MACROD2: variants seen among roughly 807,000 people sequenced by gnomAD.
MACROD2 encodes ADP-ribose glycohydrolase MACROD2.
Under a neutral mutation model 70.4 loss-of-function variants are expected in MACROD2, and 36 were observed. The observed-to-expected ratio is 0.51, with a 90% CI of 0.39 to 0.68. MACROD2 has a LOEUF of 0.68. Among genes scored for constraint, MACROD2 ranks in the 30% least tolerant of loss-of-function variants. The pLI, the probability that MACROD2 is intolerant of heterozygous loss-of-function variation, is 0.00. For synonymous variants in MACROD2, 172 were observed against 178.8 expected, an observed-to-expected ratio of 0.96 and a Z score of 0.30; for missense variants, 496 against 538.4, an observed-to-expected ratio of 0.92 and a Z score of 0.78.
chr20:14,460,623 A>C (rs972617368), intron 3 of MACROD2, among the ~76,000 whole-genome samples: 1 of 152,090 alleles, frequency 6.6e-6, no homozygotes, highest in Non-Finnish European at 1.5e-5. Context: ...GTGAGTTTTT[A>C]GCATGAAGGG....
At chr20:14,297,197 C>G (rs1466072884) in intron 3 of MACROD2, among the ~76,000 whole-genome samples, 1 of 151,796 alleles carries the variant, frequency 6.6e-6, no homozygotes, top group Admixed American at 6.6e-5. Flanking sequence ...CTTCCCTCTT[C>G]CCTGAGACAC....
chr20:14,939,253 T>C (rs1298043375), intron 5 of MACROD2, among the ~76,000 whole-genome samples: 3 of 152,092 alleles, frequency 2.0e-5, no homozygotes, highest in African/African-American at 7.2e-5. Context: ...TGTAATCCAT[T>C]TGATTTGATT....
At chr20:15,944,471 A>T (rs1163469682) in intron 12 of MACROD2, among the ~76,000 whole-genome samples, 1 of 152,128 alleles carries the variant, frequency 6.6e-6, no homozygotes, top group African/African-American at 2.4e-5. Context: ...TTCAAATATA[A>T]CAGTACATTG....
intron 4 of MACROD2, among the ~76,000 whole-genome samples, chr20:14,634,173 A>G (rs1984660715): frequency 6.6e-6 from 1 of 152,138 alleles, no homozygotes; most frequent in African/African-American, 2.4e-5. Context: ...TTCAAGATCC[A>G]TCTGAGATGT....
chr20:15,879,933 G>A (rs185662247), intron 9 of MACROD2, among the ~76,000 whole-genome samples: 224 of 152,142 alleles, frequency 1.5e-3, no homozygotes, highest in African/African-American at 5.1e-3. Flanking sequence ...TGAATCTGAA[G>A]GCAGGAAAAA....
At chr20:14,967,004 G>A (rs6043030) in intron 5 of MACROD2, among the ~76,000 whole-genome samples, 3,349 of 151,766 alleles carry the variant, frequency 0.022, 137 homozygotes, top group African/African-American at 0.076. Context: ...TGGTATGTGT[G>A]TAATAGTGGA....
chr20:15,699,303 G>A (rs1042964240), intron 8 of MACROD2, among the ~76,000 whole-genome samples: 4 of 152,132 alleles, frequency 2.6e-5, no homozygotes, highest in Admixed American at 1.3e-4. Flanking sequence ...CTCTTCCTGT[G>A]GATGTGGCTT....
At chr20:15,455,170 G>A (rs1371093181) in intron 7 of MACROD2, among the ~76,000 whole-genome samples, 1 of 152,102 alleles carries the variant, frequency 6.6e-6, no homozygotes, top group Non-Finnish European at 1.5e-5. Context: ...AGAGACACTG[G>A]GCGTGCAGGC....
intron 7 of MACROD2, among the ~76,000 whole-genome samples, chr20:15,438,535 A>G (rs1321502450): frequency 6.6e-6 from 1 of 151,856 alleles, no homozygotes; most frequent in Non-Finnish European, 1.5e-5. Flanking sequence ...TTGTTTGTTT[A>G]TCTCATGTAA....
Position 15,967,489 on chromosome 20 carries a change from G to T in MACROD2, c.908-64G>T. 1.6e-5 allele frequency: 20 copies of T among 1,282,726 alleles called. No individual in the cohort carries two copies. In the South Asian group the frequency reaches 2.5e-4, roughly 16 times the overall value. 79.5% of individuals were successfully genotyped at this position (1,282,726 alleles called of 1,614,324 possible). ...TCAAACATAAATCTATCATGTTAGT[G>T]CTGAAAGCTGCTCTGTTTCCAAGTT... On this transcript the variant is annotated intron_variant, in intron 12 of 17. Coordinates refer to ENST00000684519, the MANE Select transcript of MACROD2 (RefSeq NM_001351661.2).
chr20:14,900,122 T>C (rs2073878180), intron 5 of MACROD2, among the ~76,000 whole-genome samples: 1 of 152,138 alleles, frequency 6.6e-6, no homozygotes, highest in Non-Finnish European at 1.5e-5. Flanking sequence ...ATGATTACTT[T>C]TCATATGTTG....
At chr20:15,814,850 A>T (rs2063856756) in intron 8 of MACROD2, among the ~76,000 whole-genome samples, 1 of 152,258 alleles carries the variant, frequency 6.6e-6, no homozygotes, top group South Asian at 2.1e-4. Context: ...GCTACAGCAC[A>T]GTTCTGGCAC....
At chr20:14,228,670 A>G (rs924210523) in intron 3 of MACROD2, among the ~76,000 whole-genome samples, 24 of 152,216 alleles carry the variant, frequency 1.6e-4, no homozygotes, top group Non-Finnish European at 1.3e-4. Context: ...ATTTAGGAAG[A>G]TGTCTGAAAT....
At chr20:14,379,275 TATGA>T (rs1320392030) in intron 3 of MACROD2, among the ~76,000 whole-genome samples, 2 of 152,180 alleles carry the variant, frequency 1.3e-5, no homozygotes, top group East Asian at 3.9e-4. Flanking sequence ...GTTTCACCTG[TATGA>T]TGTGCTACAA....
intron 6 of MACROD2, among the ~76,000 whole-genome samples, chr20:15,356,131 A>G (rs1600285477): frequency 6.6e-6 from 1 of 152,010 alleles, no homozygotes; most frequent in African/African-American, 2.4e-5. Flanking sequence ...TTTAGCCCAG[A>G]TATCAGGAGT....
At chr20:15,635,937 G>T (rs1008993354) in intron 8 of MACROD2, among the ~76,000 whole-genome samples, 2 of 151,780 alleles carry the variant, frequency 1.3e-5, no homozygotes, top group Non-Finnish European at 2.9e-5. Flanking sequence ...GCGTGGTGGT[G>T]CATGCTTGTA....
intron 8 of MACROD2, among the ~76,000 whole-genome samples, chr20:15,592,908 A>G (rs1385806243): frequency 6.6e-6 from 1 of 152,166 alleles, no homozygotes; most frequent in East Asian, 1.9e-4. Flanking sequence ...TTTTACCAGT[A>G]AGAAGCAAAT....
At chr20:15,201,268 C>T (rs1781661596) in intron 5 of MACROD2, among the ~76,000 whole-genome samples, 1 of 152,040 alleles carries the variant, frequency 6.6e-6, no homozygotes, top group Non-Finnish European at 1.5e-5. Flanking sequence ...TAAAATAAGC[C>T]AAATGATGAG....
At chr20:14,944,229 G>T (rs1247369291) in intron 5 of MACROD2, among the ~76,000 whole-genome samples, 1 of 152,146 alleles carries the variant, frequency 6.6e-6, no homozygotes. Flanking sequence ...AAGAAGAAAG[G>T]AAGGGAGAGG....
Sources: allele counts gnomAD v4.1 joint callset (sites outside exome capture counted in the v4.1 genomes callset), GRCh38; gene constraint gnomAD v4.1.1; transcripts MANE v1.5; gene names NCBI Gene and HGNC (gene_info 2026-07-23, HGNC 2026-07-21).